The following CCT6A variants were observed in gnomAD, a reference collection of about 807,000 sequenced individuals.
CCT6A encodes the protein chaperonin containing TCP1 subunit 6A.
A neutral mutation model predicts 58.6 loss-of-function variants in CCT6A; 6 were observed. The observed-to-expected ratio is 0.10, with a 90% CI of 0.06 to 0.20. The LOEUF is 0.20. CCT6A is among the 10% of genes least tolerant of loss of function. CCT6A has a pLI of 1.00. For synonymous variants in CCT6A, 245 were observed against 227.8 expected (o/e 1.08, Z -0.68); for missense variants, 516 against 648.8 (o/e 0.80, Z 2.22).
chr7:56,057,568 A>G (rs975150493), intron 5 of CCT6A, among the ~76,000 whole-genome samples: 21 of 152,304 alleles, frequency 1.4e-4, no homozygotes, highest in Middle Eastern at 3.4e-3. Flanking sequence ...TTTTCTGTAC[A>G]GCGTAGGATC....
chr7:56,055,512 G>A (rs997342658), intron 3 of CCT6A, 112 bp from the exon 4 acceptor site: 4 of 860,758 alleles, frequency 4.6e-6, no homozygotes, highest in Non-Finnish European at 7.6e-6. Context: ...ATATTACCTC[G>A]TGTTCAAAGG....
Position 56,063,361 on chromosome 7 carries a change from C to T in CCT6A, c.*276C>T. The T allele has an allele frequency of 2.3e-6, 1 of 429,198 alleles. No homozygotes were observed. Among genetic ancestry groups the T allele is most frequent in the Non-Finnish European group, 4.2e-6 (1 of 239,786 alleles). The allele number at this position is 429,198 out of a possible 1,614,324, so 26.6% of individuals were successfully genotyped here. On this transcript the variant is annotated 3_prime_UTR_variant, in exon 14 of 14. Transcript: ENST00000275603. ...GACATAAAATTCCATGTTAGATAAG[C>T]ATATGTTACTTACCTTGTTATTAAA...
intron 10 of CCT6A, 31 bp downstream of exon 10, chr7:56,060,447 A>G: frequency 6.2e-7 from 1 of 1,611,346 alleles, no homozygotes; most frequent in South Asian, 1.1e-5. Flanking sequence ...CAATTCTTTT[A>G]TATTGTTTTG....
chr7:56,051,794 G>C lies in CCT6A; in HGVS notation c.-55G>C, dbSNP rs1794066764. The C allele has an allele frequency of 1.3e-6, 2 of 1,535,104 alleles. No individual in the cohort carries two copies. Among genetic ancestry groups the C allele is most frequent in the African/African-American group, 2.8e-5 (2 of 70,842 alleles). ...GACCCGGATAGTTCCTCCCGGCCAC[G>C]CCGCGCCGGCTCTGGGCACTCAGCA... On this transcript the variant is annotated 5_prime_UTR_variant, in exon 1 of 14. Transcript: ENST00000275603.
intron 5 of CCT6A, among the ~76,000 whole-genome samples, chr7:56,057,503 T>A (rs1794334680): frequency 6.6e-6 from 1 of 152,114 alleles, no homozygotes; most frequent in African/African-American, 2.4e-5. Context: ...AAAACATGTT[T>A]TTAAAGGACG....
chr7:56,060,776 T>C, intron 10 of CCT6A, 31 bp from the exon 11 acceptor site: 1 of 1,587,546 alleles, frequency 6.3e-7, no homozygotes, highest in Non-Finnish European at 8.5e-7. Flanking sequence ...TGCAGTTTTC[T>C]TAGCATTTTT....
Position 56,062,032 on chromosome 7 carries a change from C to T in CCT6A, c.1450+183C>T, listed in dbSNP as rs184579008. 17 of 446,078 alleles carry T rather than the reference C, an allele frequency of 3.8e-5. No individual in the cohort carries two copies. The East Asian group carries it at 4.0e-4, about 10-fold the overall frequency. The allele number at this position is 446,078 out of a possible 1,614,324, so 27.6% of individuals were successfully genotyped here. On this transcript the variant is annotated intron_variant, in intron 12 of 13. Transcript: ENST00000275603. The stretch of plus-strand genomic sequence containing the variant: ...GGAATGACTAGGTATAATTAAGGGA[C>T]GAGTAGACATGAGTAATTTGGGGAT...
chr7:56,059,857 A>T (rs1584551682), intron 9 of CCT6A: 10 of 384,850 alleles, frequency 2.6e-5, no homozygotes, highest in South Asian at 7.9e-5. Context: ...TGACTGGCTA[A>T]TTTTTTTTTT....
Position 56,063,576 on chromosome 7 carries a change from T to G in CCT6A, c.*491T>G. ...TAAATGCATTGGATCAGTTGGACTT[T>G]GAACGCCTTTGAAATGGCTTTGCTA... On this transcript the variant is annotated 3_prime_UTR_variant, in exon 14 of 14. Coordinates refer to ENST00000275603, the MANE Select transcript of CCT6A (RefSeq NM_001762.4). The G allele has an allele frequency of 6.0e-6, 1 of 167,296 alleles. No homozygotes were observed. Among genetic ancestry groups the G allele is most frequent in the Non-Finnish European group, 1.3e-5 (1 of 77,264 alleles). 10.4% of individuals were successfully genotyped at this position (167,296 alleles called of 1,614,324 possible).
intron 3 of CCT6A, 90 bp from the exon 4 acceptor site, chr7:56,055,534 A>G (rs1270314920): frequency 1.8e-6 from 2 of 1,095,598 alleles, no homozygotes; most frequent in Non-Finnish European, 1.4e-6. Context: ...ATGATGATCC[A>G]GAACACTCCT....
chr7:56,055,861 A>C (rs1043790684), intron 4 of CCT6A, 64 bp downstream of exon 4: 73 of 1,191,044 alleles, frequency 6.1e-5, no homozygotes, highest in Non-Finnish European at 8.7e-5. Flanking sequence ...CTGATAGTAG[A>C]AACATGAATA....
chr7:56,060,530 G>A, intron 10 of CCT6A, 114 bp downstream of exon 10: 2 of 1,173,764 alleles, frequency 1.7e-6, no homozygotes, highest in East Asian at 2.3e-5. Context: ...TGCAAAAGCA[G>A]TCTTCCCTTT....
chr7:56,060,114 T>A, intron 9 of CCT6A, 155 bp from the exon 10 acceptor site: 1 of 626,226 alleles, frequency 1.6e-6, no homozygotes, highest in Non-Finnish European at 2.8e-6. Context: ...AAAATCACAT[T>A]TCTTTTATGT....
chr7:56,060,470 G>GC, intron 10 of CCT6A, 54 bp downstream of exon 10: 4 of 1,567,000 alleles, frequency 2.6e-6, no homozygotes, highest in Non-Finnish European at 3.5e-6. Context: ...GGTCTGAAAG[G>GC]CATGGCCGAA....
At chr7:56,052,977 A>G (rs1240276936) in intron 2 of CCT6A, among the ~76,000 whole-genome samples, 2 of 152,070 alleles carry the variant, frequency 1.3e-5, no homozygotes, top group Non-Finnish European at 2.9e-5. Context: ...TATTTTTAGT[A>G]GAGACAGGAT....
chr7:56,056,664 G>GT (rs1794313639), intron 5 of CCT6A, among the ~76,000 whole-genome samples: 1 of 151,746 alleles, frequency 6.6e-6, no homozygotes, highest in South Asian at 2.1e-4. Context: ...GGAGGTTGCA[G>GT]TGAGCTGAGA....
At chr7:56,052,104 G>T in intron 1 of CCT6A, 119 bp downstream of exon 1, 1 of 869,156 alleles carries the variant, frequency 1.2e-6, no homozygotes, top group Non-Finnish European at 1.6e-6. Context: ...CCTTCTCGGC[G>T]TCCTCCGGGG....
intron 13 of CCT6A, 66 bp from the exon 14 acceptor site, chr7:56,062,947 G>A: frequency 7.6e-7 from 1 of 1,321,004 alleles, no homozygotes; most frequent in Admixed American, 1.7e-5. Context: ...TTGGTTGGAA[G>A]TGGGAAGTTG....
chr7:56,051,769 G>T lies in CCT6A; in HGVS notation c.-80G>T, dbSNP rs1428588184. The T allele has an allele frequency of 3.3e-6, 5 of 1,511,480 alleles. No homozygotes were observed. The highest frequency in any genetic ancestry group is 4.4e-6 in the Non-Finnish European group (5 of 1,124,386). The allele number at this position is 1,511,480 out of a possible 1,614,324, so 93.6% of individuals were successfully genotyped here. A position where few individuals can be genotyped will look rare whatever the true frequency, so the allele number is the denominator to read the frequency against. On this transcript the variant is annotated 5_prime_UTR_variant, in exon 1 of 14. Coordinates refer to ENST00000275603, the MANE Select transcript of CCT6A (RefSeq NM_001762.4). The stretch of plus-strand genomic sequence containing the variant: ...GCCAGACGGGCCGACTTTTCCAGAA[G>T]ACCCGGATAGTTCCTCCCGGCCACG...
Sources: allele counts gnomAD v4.1 joint callset (sites outside exome capture counted in the v4.1 genomes callset), GRCh38; gene constraint gnomAD v4.1.1; transcripts MANE v1.5; gene names NCBI Gene and HGNC (gene_info 2026-07-23, HGNC 2026-07-21).